SLC4A7: variants seen among roughly 807,000 people sequenced by gnomAD.
SLC4A7 encodes the protein sodium bicarbonate cotransporter 3.
A neutral mutation model predicts 137.6 loss-of-function variants in SLC4A7; 51 were observed. The ratio of observed to expected loss-of-function variants is 0.37; its 90% CI spans 0.30 to 0.47. The LOEUF (loss-of-function observed/expected upper bound fraction) is 0.47, where lower values mean the gene tolerates loss of function less well. Among genes scored for constraint, SLC4A7 ranks in the 20% least tolerant of loss-of-function variants. The pLI is 1.00. For synonymous variants in SLC4A7, 542 were observed against 518.6 expected (o/e 1.05, Z -0.61); for missense variants, 1,247 against 1,525.4 (o/e 0.82, Z 3.04).
At chr3:27,461,546 A>T (rs1439994481) in intron 1 of SLC4A7, among the ~76,000 whole-genome samples, 2 of 148,702 alleles carry the variant, frequency 1.3e-5, no homozygotes, top group African/African-American at 4.9e-5. Context: ...CCAAGGCTGG[A>T]GGATGGCTTG....
At chr3:27,465,967 G>T (rs628376) in intron 1 of SLC4A7, among the ~76,000 whole-genome samples, 4,552 of 134,352 alleles carry the variant, frequency 0.034, 272 homozygotes, top group African/African-American at 0.12. Flanking sequence ...AAAAAAAAAA[G>T]AAAGAAAGAA....
At chr3:27,406,869 C>T (rs2053416816) in intron 13 of SLC4A7, among the ~76,000 whole-genome samples, 1 of 152,040 alleles carries the variant, frequency 6.6e-6, no homozygotes, top group Non-Finnish European at 1.5e-5. Context: ...CTACAGAGAG[C>T]TGAGATCATG....
intron 1 of SLC4A7, among the ~76,000 whole-genome samples, chr3:27,464,204 T>C (rs1020633533): frequency 7.9e-5 from 12 of 152,150 alleles, no homozygotes; most frequent in African/African-American, 2.2e-4. Context: ...TAATATCACA[T>C]TGTCATGTTT....
Position 27,397,687 on chromosome 3 carries a change from A to G in SLC4A7, c.2700T>C (p.Phe900=). Residue 900 remains phenylalanine, a synonymous_variant, in exon 18 of 26, where the codon TTT becomes TTC. Coordinates refer to ENST00000454389, the MANE Select transcript of SLC4A7 (RefSeq NM_001321103.2). ...PSPKLHVPEK[F]EPTHPERGWI... The stretch of plus-strand genomic sequence containing the variant: ...AGCCACTTGTTTTAATCCTTACCTC[A>G]AATTTTTCAGGAACATGAAGTTTAG... The G allele has an allele frequency of 6.4e-7, 1 of 1,554,322 alleles. No homozygotes were observed. Among genetic ancestry groups the G allele is most frequent in the Non-Finnish European group, 8.9e-7 (1 of 1,128,160 alleles).
intron 3 of SLC4A7, among the ~76,000 whole-genome samples, chr3:27,446,361 TC>T (rs1284817898): frequency 6.6e-6 from 1 of 152,144 alleles, no homozygotes; most frequent in Non-Finnish European, 1.5e-5. Flanking sequence ...TTTTAGCACT[TC>T]CTTGGATACA....
At chr3:27,425,469 G>A (rs540345949) in intron 7 of SLC4A7, among the ~76,000 whole-genome samples, 1 of 150,550 alleles carries the variant, frequency 6.6e-6, no homozygotes, top group South Asian at 2.1e-4. Context: ...CTGAGGCTGG[G>A]AGTTCGAGAC....
At chr3:27,435,339 TTTCA>T (rs1383609356) in intron 5 of SLC4A7, among the ~76,000 whole-genome samples, 2 of 152,150 alleles carry the variant, frequency 1.3e-5, no homozygotes, top group African/African-American at 4.8e-5. Flanking sequence ...AATCTCCCCC[TTTCA>T]TTTTCATTGC....
chr3:27,421,357 A>G (rs1038257309), intron 9 of SLC4A7, among the ~76,000 whole-genome samples: 1 of 152,024 alleles, frequency 6.6e-6, no homozygotes, highest in Non-Finnish European at 1.5e-5. Context: ...TTAGCTAGGC[A>G]TGGTGCTGCA....
chr3:27,469,165 A>G (rs1220428073), intron 1 of SLC4A7, among the ~76,000 whole-genome samples: 1 of 152,172 alleles, frequency 6.6e-6, no homozygotes, highest in African/African-American at 2.4e-5. Context: ...AAAAAACTCA[A>G]ATCATTTTTC....
At chr3:27,411,199 G>A (rs904964232) in intron 12 of SLC4A7, among the ~76,000 whole-genome samples, 1 of 152,046 alleles carries the variant, frequency 6.6e-6, no homozygotes. Flanking sequence ...AATCATGCTT[G>A]TCCATGGAAG....
At position 27,452,505 on chromosome 3, in the gene SLC4A7, A is replaced by G; in HGVS notation, c.61-7T>C. The stretch of plus-strand genomic sequence containing the variant: ...CAGCTTCTTCATCAGGACCCTAAAA[A>G]CAAATTATTCTCATTGACTCATGAG... On this transcript the variant is annotated splice_polypyrimidine_tract_variant and splice_region_variant and intron_variant, in intron 1 of 25. Transcript: ENST00000454389. 1 of 1,594,618 alleles carries G rather than the reference A, an allele frequency of 6.3e-7. No individual in the cohort carries two copies. Among genetic ancestry groups the G allele is most frequent in the East Asian group, 2.2e-5 (1 of 44,466 alleles).
Position 27,394,963 on chromosome 3 carries a change from G to T in SLC4A7, c.2856C>A (p.His952Gln), listed in dbSNP as rs1257303534. 1 of 1,593,350 alleles carries T rather than the reference G, an allele frequency of 6.3e-7. No individual in the cohort carries two copies. The highest frequency in any genetic ancestry group is 8.5e-7 in the Non-Finnish European group (1 of 1,173,768). Residue 952 changes from histidine (H) to glutamine (Q), a missense_variant, in exon 19 of 26, where the codon CAC becomes CAA. His to Gln is a conservative substitution (Grantham distance 24, BLOSUM62 0). Around this residue, in one of 6 missense-constraint regions of SLC4A7, gnomAD observed 48 missense variants for 97.2 expected, o/e 0.49. Transcript: ENST00000454389. ...AAAATTCTAAAATTACCTTCAATTTGTGTTCCTTTCTGTTTATAATTACAG... is the reference window on the plus strand; with the variant it reads ...AAAATTCTAAAATTACCTTCAATTTTTGTTCCTTTCTGTTTATAATTACAG... Reference protein sequence around the residue: ...ITAVIINRKEHKLKKGAGYHL... With the variant: ...ITAVIINRKEQKLKKGAGYHL...
chr3:27,435,820 G>A (rs1231795434), intron 5 of SLC4A7, among the ~76,000 whole-genome samples: 1 of 152,002 alleles, frequency 6.6e-6, no homozygotes, highest in African/African-American at 2.4e-5. Context: ...CATCCAGCCT[G>A]GATGACAGTG....
intron 5 of SLC4A7, among the ~76,000 whole-genome samples, chr3:27,435,805 C>T: frequency 6.6e-6 from 1 of 152,154 alleles, no homozygotes; most frequent in East Asian, 1.9e-4. Flanking sequence ...CGTGCCACTG[C>T]ACTCCATCCA....
intron 11 of SLC4A7, among the ~76,000 whole-genome samples, chr3:27,412,432 G>A (rs2053993265): frequency 6.6e-6 from 1 of 152,136 alleles, no homozygotes; most frequent in African/African-American, 2.4e-5. Flanking sequence ...AGAGGTAAAG[G>A]GAAAGGGAGA....
At position 27,398,298 on chromosome 3, in the gene SLC4A7, G is replaced by A; in HGVS notation, c.2483C>T (p.Pro828Leu). Residue 828 changes from proline (P) to leucine (L), a missense_variant, in exon 17 of 26, where the codon CCT (proline) becomes CTT (leucine). Coordinates refer to ENST00000454389, the MANE Select transcript of SLC4A7 (RefSeq NM_001321103.2). ...CCAAAAGAGCACATCTGGAATATAA[G>A]GTCCATGATGACCACAAGCTGACCC... is the stretch of plus-strand genomic sequence containing the variant. ...FLGSACGHHG[P>L]YIPDVLFWCV... 1 of 1,612,610 alleles carries A rather than the reference G, an allele frequency of 6.2e-7. No homozygotes were observed.
intron 1 of SLC4A7, among the ~76,000 whole-genome samples, chr3:27,482,626 G>A (rs1404581707): frequency 1.3e-5 from 2 of 152,064 alleles, no homozygotes; most frequent in Admixed American, 6.6e-5. Context: ...CAAAAAATTA[G>A]CTGGGCATAG....
At chr3:27,470,803 G>A (rs763771658) in intron 1 of SLC4A7, among the ~76,000 whole-genome samples, 2 of 152,028 alleles carry the variant, frequency 1.3e-5, no homozygotes, top group Non-Finnish European at 2.9e-5. Flanking sequence ...TTAGCTGGGC[G>A]TGGTGGCATG....
chr3:27,452,365 T>G, intron 2 of SLC4A7, 52 bp downstream of exon 2: 2 of 1,169,522 alleles, frequency 1.7e-6, no homozygotes, highest in Non-Finnish European at 2.4e-6. Flanking sequence ...TTAAAAACAT[T>G]AATTAGTAAA....
Sources: allele counts gnomAD v4.1 joint callset (sites outside exome capture counted in the v4.1 genomes callset), GRCh38; gene constraint gnomAD v4.1.1; regional missense constraint gnomAD v4.1.1; transcripts MANE v1.5; gene names NCBI Gene and HGNC (gene_info 2026-07-23, HGNC 2026-07-21).